Variants in MAP3K20 observed in about 807,000 individuals in gnomAD.
MAP3K20 encodes HCCS-4.
MAP3K20 carries 40 observed loss-of-function variants against 85.7 expected under a neutral mutation model. That is an observed-to-expected ratio of 0.47 (90% confidence interval 0.36 to 0.61). MAP3K20 has a LOEUF of 0.61. Among genes scored for constraint, MAP3K20 ranks in the 20% least tolerant of loss-of-function variants. MAP3K20 has a pLI of 0.00. For missense variants in MAP3K20, 817 were observed against 961.7 expected (o/e 0.85, Z 1.99); for synonymous variants, 325 against 327.7 (o/e 0.99, Z 0.09).
At chr2:173,183,792 A>T (rs935165525) in intron 4 of MAP3K20, among the ~76,000 whole-genome samples, 3 of 152,150 alleles carry the variant, frequency 2.0e-5, no homozygotes, top group Non-Finnish European at 4.4e-5. Context: ...CTCTACAAGC[A>T]TCTCTTTACA....
intron 2 of MAP3K20, among the ~76,000 whole-genome samples, chr2:173,135,272 T>G (rs1439597145): frequency 1.3e-5 from 2 of 152,216 alleles, no homozygotes; most frequent in Non-Finnish European, 2.9e-5. Context: ...ATTCAATACT[T>G]CCATTAATAA....
chr2:173,206,554 T>G (rs1336890788), intron 9 of MAP3K20, among the ~76,000 whole-genome samples: 2 of 152,220 alleles, frequency 1.3e-5, no homozygotes, highest in African/African-American at 4.8e-5. Flanking sequence ...ACAAGTTCTC[T>G]TCCTTCTTTA....
At chr2:173,166,235 G>T (rs1253231104) in intron 2 of MAP3K20, among the ~76,000 whole-genome samples, 1 of 152,116 alleles carries the variant, frequency 6.6e-6, no homozygotes, top group Non-Finnish European at 1.5e-5. Context: ...TATTTTCAAG[G>T]CCCATTCATG....
chr2:173,107,226 C>G (rs1292384739), intron 2 of MAP3K20, among the ~76,000 whole-genome samples: 1 of 152,054 alleles, frequency 6.6e-6, no homozygotes, highest in African/African-American at 2.4e-5. Flanking sequence ...TGAGGGGCTC[C>G]CCACCAAGCT....
At chr2:173,161,030 T>C (rs750332106) in intron 2 of MAP3K20, among the ~76,000 whole-genome samples, 2 of 152,104 alleles carry the variant, frequency 1.3e-5, no homozygotes, top group African/African-American at 2.4e-5. Context: ...GGGTAGAAAA[T>C]TGGAAATAGA....
rs113948503 is a variant in MAP3K20, at chr2:173,187,549, T to C, written c.350-9T>C. On this transcript the variant is annotated splice_polypyrimidine_tract_variant and intron_variant, in intron 4 of 19. Coordinates refer to ENST00000375213, the MANE Select transcript of MAP3K20 (RefSeq NM_016653.3). ...ATTAATAGGCCTTTATTTCTTCTTG[T>C]GTGAAAAGGAATGCATTATTTACAT... The C allele has an allele frequency of 6.3e-7, 1 of 1,592,690 alleles. No individual in the cohort carries two copies. Among genetic ancestry groups the C allele is most frequent in the Non-Finnish European group, 8.5e-7 (1 of 1,173,494 alleles).
chr2:173,091,188 G>A lies in MAP3K20; in HGVS notation c.157G>A (p.Glu53Lys), dbSNP rs1205200077. 6.2e-7 allele frequency: 1 copy of A among 1,611,282 alleles called. No individual in the cohort carries two copies. Among genetic ancestry groups the A allele is most frequent in the Non-Finnish European group, 8.5e-7 (1 of 1,178,804 alleles). Residue 53 changes from glutamate (E) to lysine (K), a missense_variant and splice_region_variant, in exon 2 of 20, where the codon GAG (glutamate) becomes AAG (lysine). Transcript: ENST00000375213. The stretch of plus-strand genomic sequence containing the variant: ...AAAGAAGCTCCTCAAAATAGAGAAA[G>A]AGGTAAGGTCTTTTCCAGCTGACAG... ...AVKKLLKIEK[E>K]AEILSVLSHR...
At chr2:173,168,921 T>C (rs1213540150) in intron 2 of MAP3K20, among the ~76,000 whole-genome samples, 6 of 152,300 alleles carry the variant, frequency 3.9e-5, no homozygotes, top group Middle Eastern at 3.4e-3. Flanking sequence ...TTTTACCATG[T>C]CACTCTTCAG....
intron 9 of MAP3K20, among the ~76,000 whole-genome samples, chr2:173,205,828 T>C (rs1683668849): frequency 6.6e-6 from 1 of 152,224 alleles, no homozygotes. Context: ...CACAGTTGCA[T>C]GGTTTTTGAA....
chr2:173,173,158 G>C (rs1005860679), intron 3 of MAP3K20, among the ~76,000 whole-genome samples: 14 of 36,694 alleles, frequency 3.8e-4, no homozygotes, highest in African/African-American at 2.3e-3. Context: ...TTATTTCTGT[G>C]TGTGTGTGTG....
At chr2:173,213,062 AT>A (rs1683960638) in intron 10 of MAP3K20, among the ~76,000 whole-genome samples, 1 of 152,114 alleles carries the variant, frequency 6.6e-6, no homozygotes, top group African/African-American at 2.4e-5. Flanking sequence ...ATAAATATAT[AT>A]TATTGTGTAT....
intron 2 of MAP3K20, among the ~76,000 whole-genome samples, chr2:173,167,038 G>A (rs949134298): frequency 8.9e-5 from 13 of 146,694 alleles, no homozygotes; most frequent in Admixed American, 2.8e-4. Flanking sequence ...TCAACCTCCC[G>A]AGTAGCTGGG....
At chr2:173,099,822 A>C (rs992160850) in intron 2 of MAP3K20, among the ~76,000 whole-genome samples, 1 of 152,200 alleles carries the variant, frequency 6.6e-6, no homozygotes, top group Non-Finnish European at 1.5e-5. Flanking sequence ...TGAACATGCT[A>C]TGTCTTCTCA....
At chr2:173,214,815 A>G (rs1291165881) in intron 10 of MAP3K20, among the ~76,000 whole-genome samples, 1 of 152,250 alleles carries the variant, frequency 6.6e-6, no homozygotes, top group Admixed American at 6.5e-5. Context: ...TTATATAAAT[A>G]TATCAACAAA....
chr2:173,115,947 A>C (rs1377882908), intron 2 of MAP3K20, among the ~76,000 whole-genome samples: 1 of 151,950 alleles, frequency 6.6e-6, no homozygotes, highest in African/African-American at 2.4e-5. Context: ...GAAACTTGCA[A>C]TCATGGCAGA....
chr2:173,223,527 T>C, intron 11 of MAP3K20: 1 of 985,386 alleles, frequency 1.0e-6, no homozygotes, highest in Non-Finnish European at 1.2e-6. Context: ...TCAAATAATA[T>C]TTTCTCTGTA....
intron 4 of MAP3K20, among the ~76,000 whole-genome samples, chr2:173,185,394 C>T (rs979511320): frequency 4.6e-5 from 7 of 151,180 alleles, no homozygotes; most frequent in Admixed American, 1.3e-4. Context: ...TGTTTATGGA[C>T]GCAAGTAATA....
intron 16 of MAP3K20, among the ~76,000 whole-genome samples, chr2:173,241,254 G>C (rs1684773268): frequency 6.6e-6 from 1 of 152,132 alleles, no homozygotes; most frequent in South Asian, 2.1e-4. Flanking sequence ...GTAACACAAA[G>C]AAATGAGGTA....
At chr2:173,094,289 ATT>A (rs552570395) in intron 2 of MAP3K20, among the ~76,000 whole-genome samples, 1 of 152,168 alleles carries the variant, frequency 6.6e-6, no homozygotes, top group Admixed American at 6.5e-5. Flanking sequence ...ATTCATATAT[ATT>A]GTATGATTTT....
Sources: gnomAD v4.1 joint callset for allele counts (sites outside exome capture counted in the v4.1 genomes callset) on GRCh38, gnomAD v4.1.1 for gene constraint, MANE v1.5 for transcripts, NCBI Gene and HGNC (gene_info 2026-07-23, HGNC 2026-07-21) for gene names.